The following ASAP1 variants were observed in gnomAD, a reference collection of about 807,000 sequenced individuals.
ASAP1 encodes ArfGAP with SH3 domain, ankyrin repeat and PH domain 1, also known as arf-GAP with SH3 domain, ANK repeat and PH domain-containing protein 1.
A neutral mutation model predicts 145.2 loss-of-function variants in ASAP1; 43 were observed. That is an observed-to-expected ratio of 0.30 (90% CI 0.23 to 0.38). The LOEUF (loss-of-function observed/expected upper bound fraction) is 0.38, where lower values mean the gene tolerates loss of function less well. Ranked by LOEUF, ASAP1 falls within the 10% of genes least tolerant of loss-of-function variation. The pLI is 1.00. For missense variants in ASAP1, 1,018 were observed against 1,355.3 expected, an observed-to-expected ratio of 0.75 and a Z score of 3.91; for synonymous variants, 546 against 515.5, an observed-to-expected ratio of 1.06 and a Z score of -0.80.
intron 3 of ASAP1, among the ~76,000 whole-genome samples, chr8:130,323,743 T>C (rs1434752237): frequency 6.6e-6 from 1 of 152,168 alleles, no homozygotes; most frequent in African/African-American, 2.4e-5. Context: ...ACTATGTATG[T>C]AAGGCCCATA....
intron 18 of ASAP1, among the ~76,000 whole-genome samples, chr8:130,122,760 G>A (rs1460458785): frequency 1.3e-5 from 2 of 152,224 alleles, no homozygotes; most frequent in African/African-American, 4.8e-5. Context: ...TTTTGAAGGT[G>A]AAAGTCTTAC....
chr8:130,364,018 T>C (rs1826834618), intron 2 of ASAP1, among the ~76,000 whole-genome samples: 3 of 152,158 alleles, frequency 2.0e-5, no homozygotes, highest in Non-Finnish European at 1.5e-5. Flanking sequence ...GTTCTTTGTA[T>C]GAGTGCTTCC....
intron 3 of ASAP1, among the ~76,000 whole-genome samples, chr8:130,300,901 TAAG>T (rs1030218828): frequency 6.6e-6 from 1 of 152,100 alleles, no homozygotes. Context: ...GATTAATCTC[TAAG>T]AAGGGGGGCT....
intron 5 of ASAP1, among the ~76,000 whole-genome samples, chr8:130,203,581 T>C (rs1816008436): frequency 6.6e-6 from 1 of 152,166 alleles, no homozygotes; most frequent in Non-Finnish European, 1.5e-5. Context: ...AGACAGAACA[T>C]TTAATCTGAA....
At chr8:130,060,538 C>T (rs375420447) in intron 28 of ASAP1, 41 bp downstream of exon 28, 31 of 1,550,468 alleles carry the variant, frequency 2.0e-5, no homozygotes, top group Middle Eastern at 1.9e-4. Flanking sequence ...TTGCAAAGTG[C>T]GGAATAGGGT....
intron 11 of ASAP1, 59 bp downstream of exon 11, chr8:130,167,477 G>T (rs752176013): frequency 1.5e-6 from 2 of 1,318,948 alleles, no homozygotes; most frequent in Non-Finnish European, 2.2e-6. Context: ...AACACAAAGG[G>T]TATTACAAGC....
chr8:130,360,931 A>G (rs1826682243), intron 2 of ASAP1: 1 of 152,338 alleles, frequency 6.6e-6, no homozygotes, highest in Admixed American at 6.5e-5. Context: ...ACTTGGAACA[A>G]ATATGGCCCA....
In ASAP1 at chr8:130,285,940, T is replaced by G. The variant is rs1451416734; in HGVS notation, c.187-48946A>C. On this transcript the variant is annotated intron_variant, in intron 3 of 29. Coordinates refer to ENST00000518721, the MANE Select transcript of ASAP1 (RefSeq NM_018482.4). ...TACTGGAACAGATATCATAAATAAT[T>G]TGCTACCTGTCTTAACTTAGAAAAT... Among the ~76,000 whole-genome samples the G allele has an allele frequency of 2.0e-5, 3 of 152,282 alleles. No homozygotes were observed. The East Asian group carries it at 5.8e-4, about 29-fold the overall frequency.
At position 130,060,642 on chromosome 8, in the gene ASAP1, G is replaced by A. The variant is rs1443580479; in HGVS notation, c.3129C>T (p.Asp1043=). 1.6e-5 allele frequency: 26 copies of A among 1,614,126 alleles called. No homozygotes were observed. Among genetic ancestry groups the A allele is most frequent in the Non-Finnish European group, 1.9e-5 (23 of 1,180,008 alleles). ...GCAGAGTAGGCGTGAGGTCGTTGGA[G>A]TCTTCAGATGCTTGCTTTTGGATGG... ...RDAIQKQASE[D]SNDLTPTLPE... is the part of the protein sequence containing the mutation. Residue 1043 remains aspartate (D), a synonymous_variant, in exon 28 of 30, where the codon GAC becomes GAT. Transcript: ENST00000518721.
At chr8:130,118,717 T>C in intron 18 of ASAP1, 42 bp from the exon 19 acceptor site, 1 of 1,320,274 alleles carries the variant, frequency 7.6e-7, no homozygotes, top group Non-Finnish European at 1.0e-6. Context: ...TTCCAAGTGC[T>C]AGGAAAGGTT....
chr8:130,318,897 T>G (rs1823832795), intron 3 of ASAP1, among the ~76,000 whole-genome samples: 1 of 152,098 alleles, frequency 6.6e-6, no homozygotes, highest in African/African-American at 2.4e-5. Flanking sequence ...GATGGTCTCA[T>G]CACTGCAACA....
chr8:130,440,821 A>G (rs1033848591), intron 1 of ASAP1, among the ~76,000 whole-genome samples: 1 of 151,998 alleles, frequency 6.6e-6, no homozygotes, highest in Non-Finnish European at 1.5e-5. Flanking sequence ...CCATTTTCCA[A>G]TCTCAGAAAG....
intron 3 of ASAP1, among the ~76,000 whole-genome samples, chr8:130,271,353 T>A (rs983995680): frequency 6.6e-6 from 1 of 152,258 alleles, no homozygotes; most frequent in Non-Finnish European, 1.5e-5. Context: ...TCTGATGTGC[T>A]ATTAAGACAC....
chr8:130,275,016 G>A (rs1256143651), intron 3 of ASAP1, among the ~76,000 whole-genome samples: 1 of 152,196 alleles, frequency 6.6e-6, no homozygotes, highest in Non-Finnish European at 1.5e-5. Context: ...ACTCCTAGCT[G>A]TGTTATTTTG....
intron 1 of ASAP1, among the ~76,000 whole-genome samples, chr8:130,438,265 A>G (rs529810268): frequency 5.1e-4 from 78 of 152,294 alleles, no homozygotes; most frequent in African/African-American, 1.8e-3. Flanking sequence ...ACAGCACATC[A>G]TGGTGTGTTT....
At chr8:130,271,708 T>C (rs569498136) in intron 3 of ASAP1, among the ~76,000 whole-genome samples, 5 of 152,300 alleles carry the variant, frequency 3.3e-5, no homozygotes, top group African/African-American at 1.2e-4. Flanking sequence ...TGAACTAAAC[T>C]TGCTTTCATT....
intron 18 of ASAP1, among the ~76,000 whole-genome samples, chr8:130,119,906 C>G (rs2097562840): frequency 6.6e-6 from 1 of 152,058 alleles, no homozygotes; most frequent in Non-Finnish European, 1.5e-5. Flanking sequence ...AGGGCTCTAA[C>G]ACAAAGGACA....
At chr8:130,377,915 C>T (rs1827581723) in intron 2 of ASAP1, among the ~76,000 whole-genome samples, 1 of 152,238 alleles carries the variant, frequency 6.6e-6, no homozygotes, top group South Asian at 2.1e-4. Flanking sequence ...ACACTTCTCT[C>T]TTATTAAACT....
chr8:130,071,816 T>G (rs1201986990), intron 27 of ASAP1, among the ~76,000 whole-genome samples: 1 of 152,198 alleles, frequency 6.6e-6, no homozygotes, highest in Non-Finnish European at 1.5e-5. Flanking sequence ...TATGATGGAC[T>G]GGACTAATTA....
Sources: gnomAD v4.1 joint callset for allele counts (sites outside exome capture counted in the v4.1 genomes callset) on GRCh38, gnomAD v4.1.1 for gene constraint, MANE v1.5 for transcripts, NCBI Gene and HGNC (gene_info 2026-07-23, HGNC 2026-07-21) for gene names.